PSPH: variants seen among roughly 807,000 people sequenced by gnomAD.
PSPH encodes L-3-phosphoserine phosphatase.
In PSPH, 16 loss-of-function variants were observed where a neutral mutation model predicts 23.4. The ratio of observed to expected loss-of-function variants is 0.68; its 90% CI spans 0.46 to 1.04. The LOEUF (loss-of-function observed/expected upper bound fraction) is 1.04. Among genes scored for constraint, PSPH ranks in the 50% least tolerant of loss-of-function variants. PSPH has a pLI of 0.00. For missense variants in PSPH, 223 were observed against 273.7 expected (o/e 0.81, Z 1.31); for synonymous variants, 68 against 99.7 (o/e 0.68, Z 1.89).
At chr7:56,035,159 G>A (rs1791569824) in intron 1 of PSPH, among the ~76,000 whole-genome samples, 1 of 152,120 alleles carries the variant, frequency 6.6e-6, no homozygotes, top group African/African-American at 2.4e-5. Context: ...TGGCCAACAT[G>A]GCAAAACTCC....
At chr7:56,047,990 A>G (rs1329261392) in intron 1 of PSPH, among the ~76,000 whole-genome samples, 1 of 151,898 alleles carries the variant, frequency 6.6e-6, no homozygotes, top group East Asian at 2.0e-4. Context: ...AACATAAGGA[A>G]ACATCAGGCC....
rs547181294 is a variant in PSPH, at chr7:56,025,210, A to G, written c.-19-3979T>C. On this transcript the variant is annotated intron_variant, in intron 3 of 7. Transcript: ENST00000275605. ...ATTTTACCAACCTCAGTCCGCACAA[A>G]TACACATACACACACATTTTTACAC... Among the ~76,000 whole-genome samples, 3 of 152,176 alleles carry G rather than the reference A, an allele frequency of 2.0e-5. No homozygotes were observed. In the South Asian group the frequency reaches 6.2e-4, roughly 32 times the overall value.
At chr7:56,041,723 A>G (rs1562827517) in intron 1 of PSPH, among the ~76,000 whole-genome samples, 1 of 151,658 alleles carries the variant, frequency 6.6e-6, no homozygotes, top group East Asian at 2.0e-4. Context: ...CAGGAGTTCA[A>G]GACCAGCTGG....
chr7:56,041,888 C>T (rs1792581994), intron 1 of PSPH, among the ~76,000 whole-genome samples: 1 of 151,658 alleles, frequency 6.6e-6, no homozygotes, highest in South Asian at 2.1e-4. Context: ...GTGCCACTGG[C>T]ACTCTAGCCT....
At chr7:56,014,917 TG>T in intron 7 of PSPH, 105 bp downstream of exon 7, 1 of 1,238,752 alleles carries the variant, frequency 8.1e-7, no homozygotes, top group Non-Finnish European at 1.1e-6. Flanking sequence ...CACTCCAACC[TG>T]GGCAACAAGA....
intron 1 of PSPH, among the ~76,000 whole-genome samples, chr7:56,046,233 T>C (rs1793230483): frequency 6.6e-6 from 1 of 151,952 alleles, no homozygotes; most frequent in Non-Finnish European, 1.5e-5. Context: ...GCTTCCTGGG[T>C]TCAAGCTATT....
At chr7:56,035,399 C>T (rs1584473988) in intron 1 of PSPH, among the ~76,000 whole-genome samples, 1 of 152,110 alleles carries the variant, frequency 6.6e-6, no homozygotes. Flanking sequence ...TTAACTACAA[C>T]AAATAAGGGG....
chr7:56,043,565 C>T lies in PSPH; in HGVS notation c.-292+7573G>A, dbSNP rs368086096. ...GGCGTGGTGGCTCATGCCTGTAATCCTAGCACTTTGGGAGGCCAAGGTAGG... is the reference window on the plus strand; with the variant it reads ...GGCGTGGTGGCTCATGCCTGTAATCTTAGCACTTTGGGAGGCCAAGGTAGG... On this transcript the variant is annotated intron_variant, in intron 1 of 7. Coordinates refer to ENST00000275605, the MANE Select transcript of PSPH (RefSeq NM_004577.4). Among the ~76,000 whole-genome samples the T allele has an allele frequency of 3.3e-5, 5 of 151,150 alleles. 1 individual carries two copies. The highest frequency in any genetic ancestry group is 3.9e-4 in the East Asian group (2 of 5,136).
chr7:56,029,736 G>GA (rs1190603988), intron 3 of PSPH, among the ~76,000 whole-genome samples: 3 of 152,008 alleles, frequency 2.0e-5, no homozygotes, highest in South Asian at 4.1e-4. Context: ...ACCTGTGTAA[G>GA]AAAAAATAAA....
intron 6 of PSPH, 36 bp downstream of exon 6, chr7:56,017,198 G>A: frequency 9.9e-6 from 16 of 1,613,332 alleles, no homozygotes; most frequent in Non-Finnish European, 1.3e-5. Flanking sequence ...CAATGGAACT[G>A]CTAAGAAAGG....
At chr7:56,045,684 G>A (rs1471181836) in intron 1 of PSPH, among the ~76,000 whole-genome samples, 3 of 151,770 alleles carry the variant, frequency 2.0e-5, no homozygotes, top group East Asian at 3.9e-4. Flanking sequence ...TCAGGATATC[G>A]AGACCATCCT....
At chr7:56,030,849 A>T (rs1439089179) in intron 3 of PSPH, among the ~76,000 whole-genome samples, 1 of 151,430 alleles carries the variant, frequency 6.6e-6, no homozygotes, top group Non-Finnish European at 1.5e-5. Flanking sequence ...CAGTGAGCCG[A>T]GATCACACCA....
Position 56,022,990 on chromosome 7 carries a change from C to T in PSPH, c.-19-1759G>A, listed in dbSNP as rs952796812. On this transcript the variant is annotated intron_variant, in intron 3 of 7. Coordinates refer to ENST00000275605, the MANE Select transcript of PSPH (RefSeq NM_004577.4). ...AGGAGACTCTCTTGAACCTGGGAGGCGGAGATTGCAGTGAGCCAAGATCAC... is the reference window on the plus strand; with the variant it reads ...AGGAGACTCTCTTGAACCTGGGAGGTGGAGATTGCAGTGAGCCAAGATCAC... Among the ~76,000 whole-genome samples the T allele has an allele frequency of 3.3e-5, 5 of 151,888 alleles. No homozygotes were observed. In the East Asian group the frequency reaches 5.8e-4, roughly 18 times the overall value.
At position 56,021,201 on chromosome 7, in the gene PSPH, G is replaced by C. The variant is rs760632437; in HGVS notation, c.12C>G (p.His4Gln). The change falls in exon 4 of 8, where the codon CAC (histidine) becomes CAG (glutamine). Residue 4 changes from histidine to glutamine, a missense_variant. Coordinates refer to ENST00000275605, the MANE Select transcript of PSPH (RefSeq NM_004577.4). ...AGTAGAAAAGCTTCCTCAGCTCTGA[G>C]TGGGAGACCATCGCTGGAAGAATTT... MVS[H>Q]SELRKLFYSA... The C allele has an allele frequency of 6.2e-7, 1 of 1,614,176 alleles. No homozygotes were observed. The highest frequency in any genetic ancestry group is 1.1e-5 in the South Asian group (1 of 91,084).
At chr7:56,037,408 A>G (rs1327839092) in intron 1 of PSPH, among the ~76,000 whole-genome samples, 1 of 151,050 alleles carries the variant, frequency 6.6e-6, no homozygotes, top group Non-Finnish European at 1.5e-5. Context: ...TGTTCCGGAA[A>G]GGTTTTCTTT....
intron 1 of PSPH, among the ~76,000 whole-genome samples, chr7:56,037,961 C>T (rs1203747104): frequency 6.6e-6 from 1 of 151,682 alleles, no homozygotes; most frequent in Non-Finnish European, 1.5e-5. Flanking sequence ...GATCCACTCG[C>T]CTTGGCCTCC....
intron 5 of PSPH, 146 bp downstream of exon 5, chr7:56,019,453 TA>T: frequency 8.9e-7 from 1 of 1,124,276 alleles, no homozygotes. Context: ...AAATACAATT[TA>T]AAAAAATAAT....
chr7:56,028,947 G>A (rs976869830), intron 3 of PSPH, among the ~76,000 whole-genome samples: 2 of 152,026 alleles, frequency 1.3e-5, no homozygotes, highest in African/African-American at 2.4e-5. Context: ...TGAGTAGCTG[G>A]AATTACAGGC....
In PSPH at chr7:56,019,745, G is replaced by A; in HGVS notation, c.141-11C>T. ...ATGGCTCGCCGTGTCCTAGGAGGGA[G>A]ACCCAACAGTCAGGCCAGCCAGGTC... On this transcript the variant is annotated splice_polypyrimidine_tract_variant and intron_variant, in intron 4 of 7. Coordinates refer to ENST00000275605, the MANE Select transcript of PSPH (RefSeq NM_004577.4). The A allele has an allele frequency of 6.2e-7, 1 of 1,612,452 alleles. No individual in the cohort carries two copies. Among genetic ancestry groups the A allele is most frequent in the Non-Finnish European group, 8.5e-7 (1 of 1,179,802 alleles).
Sources: gnomAD v4.1 joint callset for allele counts (sites outside exome capture counted in the v4.1 genomes callset) on GRCh38, gnomAD v4.1.1 for gene constraint, MANE v1.5 for transcripts, NCBI Gene and HGNC (gene_info 2026-07-23, HGNC 2026-07-21) for gene names.